Variants in FBXW4 observed in about 807,000 individuals in gnomAD.
FBXW4 encodes F-box/WD repeat-containing protein 4.
A neutral mutation model predicts 61.8 loss-of-function variants in FBXW4; 40 were observed. That is an observed-to-expected ratio of 0.65 (90% CI 0.50 to 0.84). FBXW4 has a LOEUF of 0.84. FBXW4 is among the 40% of genes least tolerant of loss of function. The pLI is 0.00. For missense variants in FBXW4, 672 were observed against 753.8 expected (o/e 0.89, Z 1.27); for synonymous variants, 311 against 313.8 (o/e 0.99, Z 0.10).
At position 101,694,956 on chromosome 10, in the gene FBXW4, G is replaced by A. The variant is rs2064661198; in HGVS notation, c.150C>T (p.Gly50=). 15 of 1,213,746 alleles carry A rather than the reference G, an allele frequency of 1.2e-5. No homozygotes were observed. The highest frequency in any genetic ancestry group is 1.5e-5 in the Non-Finnish European group (15 of 975,698). 75.2% of individuals were successfully genotyped at this position (1,213,746 alleles called of 1,614,324 possible). A position where few individuals can be genotyped will look rare whatever the true frequency, so the allele number is the denominator to read the frequency against. Residue 50 remains glycine (G), a synonymous_variant, in exon 1 of 9, where the codon GGC becomes GGT. Transcript: ENST00000331272. This position sits in a 1 kb window ranked among gnomAD's most constrained non-coding sequence, Gnocchi z 6.0. ...KGKGKARAGQ[G]GRGSGAEGKP... ...TCCCTTCCGCCCCGCTTCCTCTTCC[G>A]CCTTGCCCCGCTCTCGCTTTTCCCT...
chr10:101,616,239 T>C (rs377129637), intron 6 of FBXW4, among the ~76,000 whole-genome samples: 15 of 152,126 alleles, frequency 9.9e-5, no homozygotes, highest in Admixed American at 7.2e-4. Flanking sequence ...AGGGGACAGA[T>C]GGCTTGAAGG....
rs1589768260 is a variant in FBXW4 at position 101,663,925 on chromosome 10, G to T, written c.1235+3961C>A. Among the ~76,000 whole-genome samples, 3 of 152,332 alleles carry T rather than the reference G, an allele frequency of 2.0e-5. No individual in the cohort carries two copies. In the Middle Eastern group the frequency reaches 0.01, roughly 518 times the overall value. On this transcript the variant is annotated intron_variant, in intron 5 of 8. Transcript: ENST00000331272. Reference sequence around the variant, plus strand: ...GAATCTTAAAAACAGGATTACCGGTGTTGAACAATAAGATGGGTAGAAGGG... The same window carrying T: ...GAATCTTAAAAACAGGATTACCGGTTTTGAACAATAAGATGGGTAGAAGGG...
At chr10:101,645,511 T>C (rs1023778163) in intron 5 of FBXW4, among the ~76,000 whole-genome samples, 1 of 152,162 alleles carries the variant, frequency 6.6e-6, no homozygotes, top group African/African-American at 2.4e-5. Context: ...CTGGGACAAA[T>C]GGAAGGTCCT....
At chr10:101,678,532 T>C (rs746474750) in intron 1 of FBXW4, among the ~76,000 whole-genome samples, 1 of 152,156 alleles carries the variant, frequency 6.6e-6, no homozygotes, top group Admixed American at 6.5e-5. Flanking sequence ...TTCACATCAC[T>C]CTCCTGCCTC....
rs758993950 is a variant in FBXW4, at chr10:101,667,845, A to G, written c.1235+41T>C. The G allele has an allele frequency of 1.1e-5, 17 of 1,530,452 alleles. No individual in the cohort carries two copies. The African/African-American group carries it at 1.9e-4, about 17-fold the overall frequency. The allele number at this position is 1,530,452 out of a possible 1,614,324, so 94.8% of individuals were successfully genotyped here. ...CCTGATCTAGTAAAATAAAAGCATT[A>G]TTATACAGGACAAAACCACATCCAA... is the stretch of plus-strand genomic sequence containing the variant. On this transcript the variant is annotated intron_variant, in intron 5 of 8. Coordinates refer to ENST00000331272, the MANE Select transcript of FBXW4 (RefSeq NM_022039.4).
chr10:101,686,977 A>G (rs1368559494), intron 1 of FBXW4, among the ~76,000 whole-genome samples: 3 of 152,198 alleles, frequency 2.0e-5, no homozygotes, highest in Non-Finnish European at 1.5e-5. Flanking sequence ...TCAAAGAAAC[A>G]TGGGAGGTCA....
chr10:101,640,018 T>G (rs1044658612), intron 5 of FBXW4, among the ~76,000 whole-genome samples: 2 of 152,214 alleles, frequency 1.3e-5, no homozygotes, highest in Non-Finnish European at 2.9e-5. Context: ...CTCACCCAAC[T>G]GAATGTCCTC....
intron 4 of FBXW4, among the ~76,000 whole-genome samples, chr10:101,669,061 G>T (rs2064334021): frequency 6.6e-6 from 1 of 152,160 alleles, no homozygotes; most frequent in African/African-American, 2.4e-5. Context: ...GCCTTCTTAA[G>T]AGTCACATGA....
intron 5 of FBXW4, among the ~76,000 whole-genome samples, chr10:101,642,161 AT>A (rs1341943680): frequency 6.6e-6 from 1 of 152,114 alleles, no homozygotes; most frequent in Non-Finnish European, 1.5e-5. Flanking sequence ...GTGAGACTCT[AT>A]CTCAAAAAAG....
At position 101,694,580 on chromosome 10, in the gene FBXW4, G is replaced by T. The variant is rs1477337382; in HGVS notation, c.526C>A (p.Arg176Ser). 1 of 1,463,520 alleles carries T rather than the reference G, an allele frequency of 6.8e-7. No individual in the cohort carries two copies. Among genetic ancestry groups the T allele is most frequent in the South Asian group, 1.4e-5 (1 of 73,838 alleles). The allele number at this position is 1,463,520 out of a possible 1,614,324, so 90.7% of individuals were successfully genotyped here. A position where few individuals can be genotyped will look rare whatever the true frequency, so the allele number is the denominator to read the frequency against. Residue 176 changes from arginine (R) to serine (S), a missense_variant, in exon 1 of 9, where the codon CGC (arginine) becomes AGC (serine). Around this residue, in one of 5 missense-constraint regions of FBXW4, gnomAD observed 311 missense variants for 301.1 expected, o/e 1.03. Transcript: ENST00000331272. The surrounding 1 kb of genome is among the most constrained non-coding windows in gnomAD (Gnocchi z 6.0). ...CAGAGCGCAGGCCCCGCGGCCGGGC[G>T]GGCAGCCGACTCCCGAGCCGCCTCC... ...EEEAARESAA[R>S]PAAGPALWRL...
Position 101,631,058 on chromosome 10 carries a change from CT to C in FBXW4, c.1236-6249del, listed in dbSNP as rs562647937. On this transcript the variant is annotated intron_variant, in intron 5 of 8. Transcript: ENST00000331272. ...ACCAGGCAGGGGAAGATAAACACAA[CT>C]TTTTTTTTTTATCAAACTAAAGCCG... Among the ~76,000 whole-genome samples the C allele has an allele frequency of 1.6e-3, 243 of 148,198 alleles. No homozygotes were observed. The Middle Eastern group carries it at 0.017, about 10-fold the overall frequency.
intron 1 of FBXW4, among the ~76,000 whole-genome samples, chr10:101,692,109 G>A (rs1186073334): frequency 1.3e-5 from 2 of 151,490 alleles, no homozygotes; most frequent in Non-Finnish European, 1.5e-5. Flanking sequence ...ACAGAGAGTT[G>A]AACAGAAGTG....
chr10:101,630,776 C>A (rs986861226), intron 5 of FBXW4, among the ~76,000 whole-genome samples: 1 of 152,024 alleles, frequency 6.6e-6, no homozygotes, highest in Non-Finnish European at 1.5e-5. Context: ...CAACAGGGCA[C>A]CCTGGGTCAC....
Position 101,694,344 on chromosome 10 carries a change from C to T in FBXW4, c.725+37G>A. The T allele has an allele frequency of 3.0e-6, 4 of 1,346,344 alleles. No homozygotes were observed. Among genetic ancestry groups the T allele is most frequent in the Non-Finnish European group, 3.8e-6 (4 of 1,056,422 alleles). 83.4% of individuals were successfully genotyped at this position (1,346,344 alleles called of 1,614,324 possible). A position where few individuals can be genotyped will look rare whatever the true frequency, so the allele number is the denominator to read the frequency against. ...GCCCTTTCCCGGGACGCGGGGCCGG[C>T]TCGGGGCGGGGAGCGGGCGGGCGAG... On this transcript the variant is annotated intron_variant, in intron 1 of 8. Transcript: ENST00000331272. This position sits in a 1 kb window ranked among gnomAD's most constrained non-coding sequence, Gnocchi z 6.0.
chr10:101,650,027 CCTT>C (rs2064133550), intron 5 of FBXW4, among the ~76,000 whole-genome samples: 1 of 152,182 alleles, frequency 6.6e-6, no homozygotes, highest in African/African-American at 2.4e-5. Context: ...CCCAGAGTCT[CCTT>C]CTCCTTGAGT....
chr10:101,695,196 C>T (rs1214192399), upstream of FBXW4: 1 of 985,268 alleles, frequency 1.0e-6, no homozygotes, highest in African/African-American at 1.7e-5. This position sits in a 1 kb window ranked among gnomAD's most constrained non-coding sequence, Gnocchi z 4.2. Flanking sequence ...CGGACCGGGT[C>T]ACATGGGGCG....
chr10:101,614,118 T>C (rs1404887439), intron 6 of FBXW4, among the ~76,000 whole-genome samples: 2 of 152,218 alleles, frequency 1.3e-5, no homozygotes, highest in East Asian at 3.8e-4. Flanking sequence ...ACAGGTATAC[T>C]GGGTGCATGC....
At chr10:101,615,101 CGTG>C (rs569568670) in intron 6 of FBXW4, among the ~76,000 whole-genome samples, 14 of 152,274 alleles carry the variant, frequency 9.2e-5, no homozygotes, top group South Asian at 6.2e-4. Context: ...ATTTGTATAA[CGTG>C]GTGACCCCCC....
intron 2 of FBXW4, among the ~76,000 whole-genome samples, chr10:101,674,750 T>C (rs1347466894): frequency 6.6e-6 from 1 of 152,156 alleles, no homozygotes; most frequent in Non-Finnish European, 1.5e-5. Flanking sequence ...AATCCACAAA[T>C]AGTTAGATTC....
Sources: allele counts gnomAD v4.1 joint callset (sites outside exome capture counted in the v4.1 genomes callset), GRCh38; gene constraint gnomAD v4.1.1; regional missense constraint gnomAD v4.1.1; non-coding constraint Gnocchi (gnomAD v3.1); transcripts MANE v1.5; gene names NCBI Gene and HGNC (gene_info 2026-07-23, HGNC 2026-07-21).